CIBAR1: variants seen among roughly 807,000 people sequenced by gnomAD.
CIBAR1 encodes CBY1-interacting BAR domain-containing protein 1.
A neutral mutation model predicts 44.0 loss-of-function variants in CIBAR1; 25 were observed. The ratio of observed to expected loss-of-function variants is 0.57; its 90% confidence interval spans 0.41 to 0.79. The LOEUF (loss-of-function observed/expected upper bound fraction) is 0.79, where lower values mean the gene tolerates loss of function less well. Among genes scored for constraint, CIBAR1 ranks in the 30% least tolerant of loss-of-function variants. The probability of loss-of-function intolerance (pLI) is 0.00; values close to 1 mark genes in which losing one functional copy is unlikely to be tolerated. For missense variants in CIBAR1, 278 were observed against 344.8 expected (o/e 0.81, Z 1.53); for synonymous variants, 115 against 119.0 (o/e 0.97, Z 0.22).
intron 7 of CIBAR1, among the ~76,000 whole-genome samples, chr8:93,718,999 G>A (rs1440814055): frequency 6.6e-6 from 1 of 151,994 alleles, no homozygotes; most frequent in African/African-American, 2.4e-5. Flanking sequence ...AACTAGCTTG[G>A]ATTACAGGTG....
intron 6 of CIBAR1, among the ~76,000 whole-genome samples, chr8:93,718,416 G>C (rs569523992): frequency 6.6e-6 from 1 of 152,220 alleles, no homozygotes; most frequent in Non-Finnish European, 1.5e-5. Flanking sequence ...CAATTACTAG[G>C]TATAAAGAGA....
At chr8:93,725,053 G>A (rs1199381824) in intron 7 of CIBAR1, among the ~76,000 whole-genome samples, 2 of 152,110 alleles carry the variant, frequency 1.3e-5, no homozygotes, top group Non-Finnish European at 2.9e-5. Flanking sequence ...TGTGATCTTG[G>A]CTCACTGCAA....
At position 93,728,500 on chromosome 8, in the gene CIBAR1, T is replaced by TA. The variant is rs1295047040; in HGVS notation, c.*204dup. On this transcript the variant is annotated 3_prime_UTR_variant, in exon 9 of 9. Transcript: ENST00000518322. ...GTCATTTCAACATCCTACCTAGTGT[T>TA]ACATGATTTTTGTGTAAGTGCCTTT... The TA allele has an allele frequency of 9.9e-6, 4 of 404,066 alleles. No homozygotes were observed. The highest frequency in any genetic ancestry group is 1.3e-5 in the Non-Finnish European group (3 of 225,836). 25.0% of individuals were successfully genotyped at this position (404,066 alleles called of 1,614,324 possible). A position where few individuals can be genotyped will look rare whatever the true frequency, so the allele number is the denominator to read the frequency against.
At chr8:93,709,306 A>C (rs779491379) in intron 5 of CIBAR1, among the ~76,000 whole-genome samples, 2 of 152,196 alleles carry the variant, frequency 1.3e-5, no homozygotes, top group African/African-American at 2.4e-5. Context: ...AAAAAGAGAT[A>C]ATCTGTAATT....
At position 93,726,389 on chromosome 8, in the gene CIBAR1, A is replaced by G; in HGVS notation, c.658-5A>G. On this transcript the variant is annotated splice_polypyrimidine_tract_variant and splice_region_variant and intron_variant, in intron 7 of 8. Transcript: ENST00000518322. ...CTTTATAATGCTATTTTATCATTAC[A>G]ATAGGTTTTCCGAAATTCTCTGTAT... The G allele has an allele frequency of 6.2e-7, 1 of 1,611,332 alleles. No individual in the cohort carries two copies.
chr8:93,704,987 A>AAGAACACG lies in CIBAR1; in HGVS notation c.410_411insGAACACGA (p.Asn137LysfsTer44). On this transcript the variant is annotated frameshift_variant, in exon 4 of 9. Coordinates refer to ENST00000518322, the MANE Select transcript of CIBAR1 (RefSeq NM_145269.5). LOFTEE classifies it high-confidence loss of function. ...TCAGTTAGAAAGAACACGTCAGCGA[A>AAGAACACG]ACCCATCTGATCGACATGTTATTGT... 1 of 1,612,832 alleles carries AAGAACACG rather than the reference A, an allele frequency of 6.2e-7. No homozygotes were observed. Among genetic ancestry groups the AAGAACACG allele is most frequent in the Non-Finnish European group, 8.5e-7 (1 of 1,179,156 alleles).
Position 93,708,562 on chromosome 8 carries a change from T to TG in CIBAR1, c.438+547dup, listed in dbSNP as rs1162266579. On this transcript the variant is annotated intron_variant, in intron 5 of 8. Coordinates refer to ENST00000518322, the MANE Select transcript of CIBAR1 (RefSeq NM_145269.5). ...AACAGATCCAGATAATATGAGTACA[T>TG]GTCCAAGCGTGTTAGACTTGCCATC... 3.3e-5 allele frequency among the ~76,000 whole-genome samples: 5 copies of TG among 152,222 alleles called. No individual in the cohort carries two copies. The East Asian group carries it at 9.6e-4, about 29-fold the overall frequency.
intron 5 of CIBAR1, among the ~76,000 whole-genome samples, chr8:93,709,206 G>A (rs1810723018): frequency 6.6e-6 from 1 of 152,146 alleles, no homozygotes; most frequent in South Asian, 2.1e-4. Context: ...CTTCAACCCA[G>A]GAGGCGGAGG....
At chr8:93,708,972 T>A (rs1206256620) in intron 5 of CIBAR1, among the ~76,000 whole-genome samples, 1 of 152,148 alleles carries the variant, frequency 6.6e-6, no homozygotes, top group Non-Finnish European at 1.5e-5. Flanking sequence ...TCCTATGAGA[T>A]AAGCATAAAG....
chr8:93,712,997 A>G (rs1353421984), intron 6 of CIBAR1, among the ~76,000 whole-genome samples: 4 of 142,186 alleles, frequency 2.8e-5, no homozygotes, highest in African/African-American at 5.2e-5. Context: ...ACAAATGGCT[A>G]TTGAGATCCT....
intron 6 of CIBAR1, among the ~76,000 whole-genome samples, chr8:93,715,102 T>TAAA (rs1290551305): frequency 1.3e-5 from 2 of 152,232 alleles, no homozygotes; most frequent in Admixed American, 6.5e-5. Context: ...GTATTGGTAT[T>TAAA]AAACAGCAAG....
intron 1 of CIBAR1, 158 bp downstream of exon 1, chr8:93,700,831 G>A: frequency 5.3e-6 from 7 of 1,318,820 alleles, no homozygotes; most frequent in East Asian, 3.1e-5. Context: ...TCCTTGGGCT[G>A]CAGCCACCGC....
Position 93,700,558 on chromosome 8 carries a change from G to C in CIBAR1, c.-90G>C. 2.9e-6 allele frequency: 4 copies of C among 1,369,536 alleles called. No individual in the cohort carries two copies. The highest frequency in any genetic ancestry group is 3.8e-6 in the Non-Finnish European group (4 of 1,059,832). The allele number at this position is 1,369,536 out of a possible 1,614,324, so 84.8% of individuals were successfully genotyped here. ...GCGAGGGGCGGGCTTTCAGGCTCCC[G>C]GCGGCTGCTTGCGCCCCAGCGCGCG... On this transcript the variant is annotated 5_prime_UTR_variant, in exon 1 of 9. Coordinates refer to ENST00000518322, the MANE Select transcript of CIBAR1 (RefSeq NM_145269.5).
At chr8:93,700,922 G>C in intron 1 of CIBAR1, 3 of 1,348,684 alleles carry the variant, frequency 2.2e-6, no homozygotes, top group Non-Finnish European at 2.8e-6. Flanking sequence ...ACTGCCGCGG[G>C]CAGTGCGGAA....
intron 7 of CIBAR1, among the ~76,000 whole-genome samples, chr8:93,723,269 T>G (rs1378381357): frequency 6.6e-6 from 1 of 152,246 alleles, no homozygotes; most frequent in Non-Finnish European, 1.5e-5. Flanking sequence ...GTGCTGGGAC[T>G]GCAGGCGTGA....
intron 7 of CIBAR1, among the ~76,000 whole-genome samples, chr8:93,724,167 G>A (rs1213577705): frequency 6.6e-6 from 1 of 152,182 alleles, no homozygotes; most frequent in Non-Finnish European, 1.5e-5. Flanking sequence ...AGGCTACAGT[G>A]AGCTATGACT....
At chr8:93,725,609 TA>T (rs530604427) in intron 7 of CIBAR1, among the ~76,000 whole-genome samples, 63 of 144,434 alleles carry the variant, frequency 4.4e-4, no homozygotes, top group Admixed American at 6.2e-4. Context: ...TTGAGATAAC[TA>T]AAAAAAAAAA....
At chr8:93,727,449 G>C (rs1045203805) in intron 8 of CIBAR1, among the ~76,000 whole-genome samples, 1 of 152,134 alleles carries the variant, frequency 6.6e-6, no homozygotes, top group Admixed American at 6.5e-5. Context: ...GCTAACACTT[G>C]TATAGCACTT....
rs1413052311 is a variant in CIBAR1, at chr8:93,728,349, A to T, written c.*52A>T. On this transcript the variant is annotated 3_prime_UTR_variant, in exon 9 of 9. Transcript: ENST00000518322. ...ATGACTTGAAATCCACAATGACTAA[A>T]TTGTAGAACTTTATACTCACTTTGC... 2.5e-6 allele frequency: 3 copies of T among 1,196,258 alleles called. No individual in the cohort carries two copies. Among genetic ancestry groups the T allele is most frequent in the Non-Finnish European group, 3.6e-6 (3 of 832,388 alleles). 74.1% of individuals were successfully genotyped at this position (1,196,258 alleles called of 1,614,324 possible). A position where few individuals can be genotyped will look rare whatever the true frequency, so the allele number is the denominator to read the frequency against.
Sources: gnomAD v4.1 joint callset for allele counts (sites outside exome capture counted in the v4.1 genomes callset) on GRCh38, gnomAD v4.1.1 for gene constraint, MANE v1.5 for transcripts, NCBI Gene and HGNC (gene_info 2026-07-23, HGNC 2026-07-21) for gene names.